NCAM2: variants seen among roughly 807,000 people sequenced by gnomAD.
The protein encoded by NCAM2 is neural cell adhesion molecule 2, also known as N-CAM-2.
In NCAM2, 30 loss-of-function variants were observed where a neutral mutation model predicts 98.1. The ratio of observed to expected loss-of-function variants is 0.31; its 90% confidence interval spans 0.23 to 0.41. NCAM2 has a LOEUF of 0.41. Among genes scored for constraint, NCAM2 ranks in the 10% least tolerant of loss-of-function variants. The pLI is 1.00. For missense variants in NCAM2, 867 were observed against 1,005.8 expected (o/e 0.86, Z 1.87); for synonymous variants, 368 against 342.4 (o/e 1.07, Z -0.83).
chr21:21,440,995 T>C (rs1358701519), intron 12 of NCAM2, among the ~76,000 whole-genome samples: 1 of 152,190 alleles, frequency 6.6e-6, no homozygotes, highest in Admixed American at 6.5e-5. Context: ...GGGTTTCAAA[T>C]AAAAATTAAT....
intron 1 of NCAM2, among the ~76,000 whole-genome samples, chr21:21,167,894 A>C (rs995580640): frequency 6.6e-6 from 1 of 152,134 alleles, no homozygotes; most frequent in East Asian, 1.9e-4. Flanking sequence ...AAGTAATTAC[A>C]CTAATTCTCC....
At chr21:21,483,784 A>G (rs190191403) in intron 15 of NCAM2, among the ~76,000 whole-genome samples, 1 of 152,130 alleles carries the variant, frequency 6.6e-6, no homozygotes, top group Non-Finnish European at 1.5e-5. Flanking sequence ...AAATATTTTC[A>G]TAATCTTTGG....
In NCAM2 at chr21:21,529,519, C is replaced by G. The variant is rs529339884; in HGVS notation, c.2283-5018C>G. 4.6e-5 allele frequency among the ~76,000 whole-genome samples: 7 copies of G among 151,992 alleles called. No individual in the cohort carries two copies. The South Asian group carries it at 1.5e-3, about 32-fold the overall frequency. ...TAGAATACATCAATATTTTAAAAAC[C>G]TTACAGCCATATTTGTATTTTAAGG... On this transcript the variant is annotated intron_variant, in intron 16 of 17. Transcript: ENST00000400546.
Position 21,286,376 on chromosome 21 carries a change from T to C in NCAM2, c.445T>C (p.Leu149=), listed in dbSNP as rs1250595572. 2 of 1,612,320 alleles carry C rather than the reference T, an allele frequency of 1.2e-6. No individual in the cohort carries two copies. Among genetic ancestry groups the C allele is most frequent in the Non-Finnish European group, 1.7e-6 (2 of 1,179,000 alleles). Residue 149 remains leucine (L), a synonymous_variant, in exon 4 of 18, where the codon TTG becomes CTG. Coordinates refer to ENST00000400546, the MANE Select transcript of NCAM2 (RefSeq NM_004540.5). The part of the protein sequence containing the change: ...SSSPAPAVSW[L]YHNEEVTTIS... ...TTCACCTGCACCTGCTGTCAGCTGGTTGTATCATAATGAGGAAGTCACCAC... is the reference window on the plus strand; with the variant it reads ...TTCACCTGCACCTGCTGTCAGCTGGCTGTATCATAATGAGGAAGTCACCAC...
chr21:21,049,176 C>T (rs1022059215), intron 1 of NCAM2, among the ~76,000 whole-genome samples: 8 of 143,846 alleles, frequency 5.6e-5, no homozygotes, highest in South Asian at 2.3e-4. Context: ...CCCGCCACCG[C>T]GCCCGGCTAA....
At chr21:21,216,580 C>G (rs545892869) in intron 1 of NCAM2, among the ~76,000 whole-genome samples, 1 of 152,342 alleles carries the variant, frequency 6.6e-6, no homozygotes, top group Admixed American at 6.5e-5. Context: ...AGTAGCATTA[C>G]TGTGAGATTA....
intron 1 of NCAM2, among the ~76,000 whole-genome samples, chr21:21,094,678 G>A (rs573485434): frequency 1.3e-5 from 2 of 151,766 alleles, no homozygotes; most frequent in South Asian, 4.2e-4. Flanking sequence ...GTAGTGTTTT[G>A]AACTGTAAAA....
chr21:21,040,309 C>T (rs1172852963), intron 1 of NCAM2, among the ~76,000 whole-genome samples: 2 of 152,124 alleles, frequency 1.3e-5, no homozygotes, highest in Non-Finnish European at 2.9e-5. Context: ...GCAACTGACT[C>T]CTCACTGCCA....
chr21:21,114,843 G>C (rs202073650), intron 1 of NCAM2, among the ~76,000 whole-genome samples: 1 of 141,724 alleles, frequency 7.1e-6, no homozygotes, highest in East Asian at 2.1e-4. Context: ...TTTTTTTTTT[G>C]AAGTTTCGCT....
chr21:21,004,452 GA>G (rs1368924150), intron 1 of NCAM2, among the ~76,000 whole-genome samples: 6 of 152,110 alleles, frequency 3.9e-5, no homozygotes, highest in African/African-American at 1.4e-4. Context: ...ACTGGGAGTA[GA>G]TTTTCCAACT....
At chr21:21,355,482 AAGGAG>A (rs1292105594) in intron 8 of NCAM2, among the ~76,000 whole-genome samples, 2 of 67,900 alleles carry the variant, frequency 2.9e-5, no homozygotes, top group Non-Finnish European at 6.3e-5. Context: ...AAAAAAAAAA[AAGGAG>A]AGAAAGAAAG....
At chr21:21,441,891 G>T (rs1979335404) in intron 12 of NCAM2, among the ~76,000 whole-genome samples, 1 of 152,114 alleles carries the variant, frequency 6.6e-6, no homozygotes, top group African/African-American at 2.4e-5. Context: ...AAGATACGAG[G>T]CTAGGCAAAG....
At chr21:21,082,057 A>G (rs761502219) in intron 1 of NCAM2, among the ~76,000 whole-genome samples, 25 of 151,436 alleles carry the variant, frequency 1.7e-4, no homozygotes, top group Non-Finnish European at 2.4e-4. Flanking sequence ...ATGAAACCCC[A>G]TCTCTACTAA....
chr21:21,372,362 T>C (rs1163697903), intron 8 of NCAM2, among the ~76,000 whole-genome samples: 1 of 151,790 alleles, frequency 6.6e-6, no homozygotes, highest in East Asian at 1.9e-4. Flanking sequence ...AGTGCGTTTT[T>C]GTAAAGGATG....
At chr21:21,249,459 C>T (rs977504750) in intron 1 of NCAM2, among the ~76,000 whole-genome samples, 44 of 152,144 alleles carry the variant, frequency 2.9e-4, no homozygotes, top group African/African-American at 9.9e-4. Context: ...TTAGTTCGAG[C>T]TCATCATTAG....
intron 1 of NCAM2, among the ~76,000 whole-genome samples, chr21:21,002,166 C>A (rs1327848698): frequency 6.6e-6 from 1 of 151,828 alleles, no homozygotes; most frequent in Admixed American, 6.6e-5. Context: ...TCAGAGTAAC[C>A]CAGAGGATTT....
chr21:21,409,124 A>G (rs1478609942), intron 9 of NCAM2, among the ~76,000 whole-genome samples: 1 of 152,162 alleles, frequency 6.6e-6, no homozygotes, highest in Non-Finnish European at 1.5e-5. Context: ...CTTGAGAATT[A>G]TGCTTTCATG....
chr21:21,543,126 A>G lies in NCAM2; in HGVS notation c.*5169A>G, dbSNP rs1051188027. The G allele has an allele frequency of 9.2e-5, 14 of 151,952 alleles. No homozygotes were observed. Among genetic ancestry groups the G allele is most frequent in the African/African-American group, 3.1e-4 (13 of 41,520 alleles). 9.4% of individuals were successfully genotyped at this position (151,952 alleles called of 1,614,324 possible). Reference sequence around the variant, plus strand: ...ATTCCATTCAAATTCTATATTCTTAAGTTAGCTACCACAACGTTTTCTTAT... The same window carrying G: ...ATTCCATTCAAATTCTATATTCTTAGGTTAGCTACCACAACGTTTTCTTAT... On this transcript the variant is annotated 3_prime_UTR_variant, in exon 18 of 18. Transcript: ENST00000400546.
chr21:21,512,430 C>T (rs1988446954), intron 16 of NCAM2, among the ~76,000 whole-genome samples: 2 of 151,900 alleles, frequency 1.3e-5, no homozygotes, highest in Non-Finnish European at 2.9e-5. Flanking sequence ...TTCTCTACGC[C>T]ATTTCACTTG....
Sources: allele counts gnomAD v4.1 joint callset (sites outside exome capture counted in the v4.1 genomes callset), GRCh38; gene constraint gnomAD v4.1.1; transcripts MANE v1.5; gene names NCBI Gene and HGNC (gene_info 2026-07-23, HGNC 2026-07-21).